COL11A2: variants seen among roughly 807,000 people sequenced by gnomAD.
COL11A2 encodes the protein collagen alpha-2(XI) chain.
A neutral mutation model predicts 273.4 loss-of-function variants in COL11A2; 116 were observed. That is an observed-to-expected ratio of 0.42 (90% CI 0.36 to 0.49). The LOEUF is 0.49. COL11A2 is among the 20% of genes least tolerant of loss of function. COL11A2 has a pLI of 0.00. For missense variants in COL11A2, 1,866 were observed against 2,309.0 expected, an observed-to-expected ratio of 0.81 and a Z score of 3.93; for synonymous variants, 782 against 864.2, an observed-to-expected ratio of 0.90 and a Z score of 1.67.
chr6:33,186,923 TG>T, intron 4 of COL11A2, 105 bp from the exon 5 acceptor site: 3 of 1,492,138 alleles, frequency 2.0e-6, no homozygotes, highest in Non-Finnish European at 2.8e-6. Context: ...AACCCTAAGA[TG>T]GGAGAAGGTC....
Position 33,181,126 on chromosome 6 carries a change from A to G in COL11A2, c.1164T>C (p.Pro388=). The part of the protein sequence containing the change: ...PRGLKGEKGE[P]AVLEPGMLVE... The stretch of plus-strand genomic sequence containing the variant: ...CATAACTTACAGGTTCCAACACTGC[A>G]GGCTCTCCTTTCTCTCCCTTCAGCC... The change falls in exon 9 of 66, where the codon CCT becomes CCC. Residue 388 remains proline, a synonymous_variant. Transcript: ENST00000341947. 1.2e-6 allele frequency: 2 copies of G among 1,614,132 alleles called. No homozygotes were observed. The highest frequency in any genetic ancestry group is 1.7e-6 in the Non-Finnish European group (2 of 1,180,002).
chr6:33,181,222 A>C, intron 8 of COL11A2, 52 bp from the exon 9 acceptor site: 1 of 1,581,276 alleles, frequency 6.3e-7, no homozygotes, highest in Non-Finnish European at 8.7e-7. Flanking sequence ...CAGCCAGGAC[A>C]CTAGGCCTTT....
In COL11A2 at chr6:33,171,540, T is replaced by A. The variant is rs1328644059; in HGVS notation, c.3185A>T (p.Asp1062Val). Residue 1062 changes from aspartate (D) to valine (V), a missense_variant, in exon 43 of 66, where the codon GAT (aspartate) becomes GTT (valine). Physicochemically the swap from Asp to Val is radical, Grantham distance 152. Transcript: ENST00000341947. ...AAGCCCCACAGGACCCTGCACTCCA[T>A]CTCGGCCAGTCGGGCCAATGGGGCC... is the stretch of plus-strand genomic sequence containing the variant. The part of the protein sequence containing the change: ...EKGPIGPTGR[D>V]GVQGPVGLPG... The A allele has an allele frequency of 6.2e-7, 1 of 1,613,954 alleles. No homozygotes were observed. The highest frequency in any genetic ancestry group is 1.1e-5 in the South Asian group (1 of 91,070).
At position 33,163,553 on chromosome 6, in the gene COL11A2, T is replaced by C. The variant is rs979296015; in HGVS notation, c.*125A>G. On this transcript the variant is annotated 3_prime_UTR_variant, in exon 66 of 66. Transcript: ENST00000341947. This position sits in a 1 kb window ranked among gnomAD's most constrained non-coding sequence, Gnocchi z 4.1. Reference sequence around the variant, plus strand: ...CCCCTGGCCTGCCCCGACTGAGGGCTCTCCACGCCCTGGCCCAGGGCTCCC... The same window carrying C: ...CCCCTGGCCTGCCCCGACTGAGGGCCCTCCACGCCCTGGCCCAGGGCTCCC... The C allele has an allele frequency of 5.2e-5, 78 of 1,490,494 alleles. No individual in the cohort carries two copies. The African/African-American group carries it at 8.4e-4, about 16-fold the overall frequency. The allele number at this position is 1,490,494 out of a possible 1,614,324, so 92.3% of individuals were successfully genotyped here. A position where few individuals can be genotyped will look rare whatever the true frequency, so the allele number is the denominator to read the frequency against.
rs755245177 is a variant in COL11A2, at chr6:33,180,343, A to G, written c.1285-11T>C. The G allele has an allele frequency of 1.2e-5, 20 of 1,609,876 alleles. No homozygotes were observed. The highest frequency in any genetic ancestry group is 5.1e-6 in the Non-Finnish European group (6 of 1,178,326). On this transcript the variant is annotated splice_polypyrimidine_tract_variant and intron_variant, in intron 11 of 65. Coordinates refer to ENST00000341947, the MANE Select transcript of COL11A2 (RefSeq NM_080680.3). ...TCGGCCAGGGGGGCCCTGGAGTGGG[A>G]AGAGAATGCAAAAGATGGGGTGAAA... is the stretch of plus-strand genomic sequence containing the variant.
intron 8 of COL11A2, among the ~76,000 whole-genome samples, chr6:33,182,039 C>T (rs998153493): frequency 5.3e-5 from 8 of 152,122 alleles, no homozygotes; most frequent in African/African-American, 9.7e-5. Context: ...CTTTGGGAGG[C>T]GGAGGCAGGC....
At position 33,170,652 on chromosome 6, in the gene COL11A2, C is replaced by A. The variant is rs542245581; in HGVS notation, c.3475-42G>T. 1.2e-5 allele frequency: 19 copies of A among 1,611,228 alleles called. 1 individual carries two copies. In the African/African-American group the frequency reaches 2.4e-4, roughly 20 times the overall value. ...AACATGGGCCCAGGTGACGACCCCA[C>A]CCAAAGCACAGCCCTAGGCAGATAG... On this transcript the variant is annotated intron_variant, in intron 46 of 65. Coordinates refer to ENST00000341947, the MANE Select transcript of COL11A2 (RefSeq NM_080680.3). The surrounding 1 kb of genome is among the most constrained non-coding windows in gnomAD (Gnocchi z 4.3).
Position 33,178,803 on chromosome 6 carries a change from G to A in COL11A2, c.1666-71C>T. The A allele has an allele frequency of 6.2e-7, 1 of 1,603,340 alleles. No individual in the cohort carries two copies. Among genetic ancestry groups the A allele is most frequent in the Non-Finnish European group, 8.5e-7 (1 of 1,171,290 alleles). ...AGCCCACCCCTCCCTACTGCACCCT[G>A]AGCTGGGGGGGTGCTGATCCTGGGG... On this transcript the variant is annotated intron_variant, in intron 17 of 65. Coordinates refer to ENST00000341947, the MANE Select transcript of COL11A2 (RefSeq NM_080680.3). This position sits in a 1 kb window ranked among gnomAD's most constrained non-coding sequence, Gnocchi z 4.6.
Position 33,169,632 on chromosome 6 carries a change from G to T in COL11A2, c.3691-142C>A, listed in dbSNP as rs1311873978. 1.4e-5 allele frequency: 15 copies of T among 1,044,642 alleles called. No homozygotes were observed. Among genetic ancestry groups the T allele is most frequent in the Non-Finnish European group, 2.1e-5 (14 of 680,104 alleles). The allele number at this position is 1,044,642 out of a possible 1,614,324, so 64.7% of individuals were successfully genotyped here. Reference sequence around the variant, plus strand: ...ACACAGAAAGTCAAGCCTACAAGGGGAGTTCCCTAGTCCCCTTCCCTTCAA... The same window carrying T: ...ACACAGAAAGTCAAGCCTACAAGGGTAGTTCCCTAGTCCCCTTCCCTTCAA... On this transcript the variant is annotated intron_variant, in intron 50 of 65. Transcript: ENST00000341947. The surrounding 1 kb of genome is among the most constrained non-coding windows in gnomAD (Gnocchi z 5.5).
At position 33,167,987 on chromosome 6, in the gene COL11A2, G is replaced by A. The variant is rs1475162654; in HGVS notation, c.3961-135C>T. ...TACACAGGGACACGCGCCGAGGGCC[G>A]ATTCACAGATGTGCAGAACAGATAC... On this transcript the variant is annotated intron_variant, in intron 54 of 65. Coordinates refer to ENST00000341947, the MANE Select transcript of COL11A2 (RefSeq NM_080680.3). The surrounding 1 kb of genome is among the most constrained non-coding windows in gnomAD (Gnocchi z 6.1). 6.8e-6 allele frequency: 6 copies of A among 885,848 alleles called. No homozygotes were observed. Among genetic ancestry groups the A allele is most frequent in the African/African-American group, 1.6e-5 (1 of 60,886 alleles). 54.9% of individuals were successfully genotyped at this position (885,848 alleles called of 1,614,324 possible). A position where few individuals can be genotyped will look rare whatever the true frequency, so the allele number is the denominator to read the frequency against.
Position 33,169,974 on chromosome 6 carries a change from A to G in COL11A2, c.3636+73T>C, listed in dbSNP as rs1284283241. The G allele has an allele frequency of 6.2e-7, 1 of 1,612,368 alleles. No homozygotes were observed. Among genetic ancestry groups the G allele is most frequent in the African/African-American group, 1.3e-5 (1 of 74,786 alleles). On this transcript the variant is annotated intron_variant, in intron 49 of 65. Coordinates refer to ENST00000341947, the MANE Select transcript of COL11A2 (RefSeq NM_080680.3). The surrounding 1 kb of genome is among the most constrained non-coding windows in gnomAD (Gnocchi z 5.5). ...ACATCTCATTCTCTTTTGTCTCCCC[A>G]CCCAAAATTGGCAGAAATCCAACTC...
Position 33,179,378 on chromosome 6 carries a change from C to T in COL11A2, c.1503+53G>A. On this transcript the variant is annotated intron_variant, in intron 14 of 65. Transcript: ENST00000341947. This position sits in a 1 kb window ranked among gnomAD's most constrained non-coding sequence, Gnocchi z 6.4. ...AAAGAAGCCCCTTTCCAGAACTATC[C>T]ACACCCCACACACAATTAAAGCATC... 1 of 1,567,302 alleles carries T rather than the reference C, an allele frequency of 6.4e-7. No homozygotes were observed. The highest frequency in any genetic ancestry group is 8.7e-7 in the Non-Finnish European group (1 of 1,155,878).
Position 33,186,302 on chromosome 6 carries a change from C to T in COL11A2, c.798+325G>A, listed in dbSNP as rs532517171. The T allele has an allele frequency of 1.5e-5, 15 of 1,010,672 alleles. No homozygotes were observed. In the Admixed American group the frequency reaches 1.5e-4, roughly 10 times the overall value. The allele number at this position is 1,010,672 out of a possible 1,614,324, so 62.6% of individuals were successfully genotyped here. A position where few individuals can be genotyped will look rare whatever the true frequency, so the allele number is the denominator to read the frequency against. On this transcript the variant is annotated intron_variant, in intron 5 of 65. Coordinates refer to ENST00000341947, the MANE Select transcript of COL11A2 (RefSeq NM_080680.3). ...CTTTCTCCTGGCTTCAGTCCCCTCT[C>T]CTACCTGCCTCCCCAGCTCTCACCC...
Position 33,169,464 on chromosome 6 carries a change from T to C in COL11A2, c.3717A>G (p.Lys1239=). The change falls in exon 51 of 66, where the codon AAA becomes AAG. Residue 1239 remains lysine (K), a synonymous_variant. Coordinates refer to ENST00000341947, the MANE Select transcript of COL11A2 (RefSeq NM_080680.3). The surrounding 1 kb of genome is among the most constrained non-coding windows in gnomAD (Gnocchi z 5.5). ...GCTCTCCTGGCTGCCCCGACTCTCC[T>C]TTCTCTCCACGTTCCCCGCGTGGAC... ...VKGPRGERGE[K]GESGQPGEPG... The C allele has an allele frequency of 6.2e-7, 1 of 1,612,960 alleles. No homozygotes were observed. Among genetic ancestry groups the C allele is most frequent in the Non-Finnish European group, 8.5e-7 (1 of 1,180,014 alleles).
rs762110287 is a variant in COL11A2, at chr6:33,173,526, C to G, written c.2658G>C (p.Gly886=). The G allele has an allele frequency of 6.2e-7, 1 of 1,610,194 alleles. No individual in the cohort carries two copies. The highest frequency in any genetic ancestry group is 8.5e-7 in the Non-Finnish European group (1 of 1,179,534). Residue 886 remains glycine (G), a synonymous_variant, in exon 36 of 66, where the codon GGG becomes GGC. Transcript: ENST00000341947. This position sits in a 1 kb window ranked among gnomAD's most constrained non-coding sequence, Gnocchi z 6.3. The part of the protein sequence containing the change: ...RGLPGPQGPN[G]FPGPKGPPGP... Reference sequence around the variant, plus strand: ...CCGGGGGTCCTTTCGGTCCAGGAAACCCGTTGGGACCCTGAGGTCCAGGGA... The same window carrying G: ...CCGGGGGTCCTTTCGGTCCAGGAAAGCCGTTGGGACCCTGAGGTCCAGGGA...
chr6:33,184,302 G>A lies in COL11A2; in HGVS notation c.962C>T (p.Pro321Leu). Residue 321 changes from proline (P) to leucine (L), a missense_variant, in exon 8 of 66, where the codon CCC becomes CTC. Pro to Leu is a moderately conservative substitution (Grantham distance 98, BLOSUM62 -3). Transcript: ENST00000341947. The part of the protein sequence containing the change: ...LEEEQTDLQV[P>L]PTADRFQAEE... Reference sequence around the variant, plus strand: ...TGCCTGGAACCTGTCGGCTGTGGGGGGGACCTGGAGATCTGTCTGCTCCTT... The same window carrying A: ...TGCCTGGAACCTGTCGGCTGTGGGGAGGACCTGGAGATCTGTCTGCTCCTT... 1 of 1,367,546 alleles carries A rather than the reference G, an allele frequency of 7.3e-7. No individual in the cohort carries two copies. Among genetic ancestry groups the A allele is most frequent in the Non-Finnish European group, 9.8e-7 (1 of 1,021,932 alleles). 84.7% of individuals were successfully genotyped at this position (1,367,546 alleles called of 1,614,324 possible).
chr6:33,184,368 G>C lies in COL11A2; in HGVS notation c.940-44C>G, dbSNP rs575521869. 16 of 1,314,608 alleles carry C rather than the reference G, an allele frequency of 1.2e-5. No homozygotes were observed. The South Asian group carries it at 1.5e-4, about 12-fold the overall frequency. The allele number at this position is 1,314,608 out of a possible 1,614,324, so 81.4% of individuals were successfully genotyped here. A position where few individuals can be genotyped will look rare whatever the true frequency, so the allele number is the denominator to read the frequency against. On this transcript the variant is annotated intron_variant, in intron 7 of 65. Coordinates refer to ENST00000341947, the MANE Select transcript of COL11A2 (RefSeq NM_080680.3). ...GGAGAGGGGTAGATGGGGATGTTAG[G>C]GCTGAGAGGAGGCTTACCCTGGACC...
At chr6:33,191,771 G>C (rs375538505) in intron 1 of COL11A2, among the ~76,000 whole-genome samples, 1 of 152,180 alleles carries the variant, frequency 6.6e-6, no homozygotes, top group African/African-American at 2.4e-5. Flanking sequence ...CAGAGATATC[G>C]ACAGAAAGGC....
Position 33,166,311 on chromosome 6 carries a change from C to T in COL11A2, c.4393-105G>A, listed in dbSNP as rs1205164374. ...AGTCCACAGGAGCCTCGGGTTACTA[C>T]AGGAGGGGCAGTCTTGTGGGAATAC... On this transcript the variant is annotated intron_variant, in intron 60 of 65. Transcript: ENST00000341947. The surrounding 1 kb of genome is among the most constrained non-coding windows in gnomAD (Gnocchi z 4.8). 19 of 1,423,860 alleles carry T rather than the reference C, an allele frequency of 1.3e-5. No individual in the cohort carries two copies. Among genetic ancestry groups the T allele is most frequent in the South Asian group, 6.5e-5 (5 of 77,452 alleles). 88.2% of individuals were successfully genotyped at this position (1,423,860 alleles called of 1,614,324 possible).
Sources: allele counts gnomAD v4.1 joint callset (sites outside exome capture counted in the v4.1 genomes callset), GRCh38; gene constraint gnomAD v4.1.1; non-coding constraint Gnocchi (gnomAD v3.1); transcripts MANE v1.5; gene names NCBI Gene and HGNC (gene_info 2026-07-23, HGNC 2026-07-21).